The following BRAF variants were observed in gnomAD, a reference collection of about 807,000 sequenced individuals.
The protein encoded by BRAF is B-Raf proto-oncogene, serine/threonine kinase, also known as serine/threonine-protein kinase B-raf.
In BRAF, 16 loss-of-function variants were observed where a neutral mutation model predicts 104.6. The ratio of observed to expected loss-of-function variants is 0.15; its 90% CI spans 0.10 to 0.23. The LOEUF (loss-of-function observed/expected upper bound fraction) is 0.23, where lower values mean the gene tolerates loss of function less well. BRAF is among the 10% of genes least tolerant of loss of function. The pLI, the probability that BRAF is intolerant of heterozygous loss-of-function variation, is 1.00. For missense variants in BRAF, 541 were observed against 937.3 expected (o/e 0.58, Z 5.52); for synonymous variants, 310 against 341.6 (o/e 0.91, Z 1.02).
At chr7:140,740,946 C>T (rs1796867744) in intron 17 of BRAF, 1 of 152,078 alleles carries the variant, frequency 6.6e-6, no homozygotes, top group Admixed American at 6.5e-5. Flanking sequence ...GAAGCTACAC[C>T]ATCATAACAT....
chr7:140,714,854 T>C (rs572981749), downstream of BRAF, among the ~76,000 whole-genome samples: 1 of 152,220 alleles, frequency 6.6e-6, no homozygotes, highest in South Asian at 2.1e-4. Context: ...AATTGAACTT[T>C]TGACTGGTCA....
chr7:140,715,134 G>C (rs148921111), downstream of BRAF, among the ~76,000 whole-genome samples: 220 of 152,312 alleles, frequency 1.4e-3, 1 homozygote, highest in African/African-American at 5.1e-3. Context: ...GGTATGGTAT[G>C]ATAGGCTTTC....
intron 8 of BRAF, among the ~76,000 whole-genome samples, chr7:140,791,698 A>C (rs1036153073): frequency 1.3e-5 from 2 of 152,186 alleles, no homozygotes; most frequent in African/African-American, 4.8e-5. Flanking sequence ...ATATGCCCCC[A>C]AAAAGCTAAA....
At chr7:140,908,938 G>A (rs1374228989) in intron 1 of BRAF, among the ~76,000 whole-genome samples, 1 of 134,224 alleles carries the variant, frequency 7.5e-6, no homozygotes, top group Non-Finnish European at 1.7e-5. Context: ...CCTAGAATTT[G>A]GCCTGGCAGC....
At position 140,834,798 on chromosome 7, in the gene BRAF, G is replaced by A. The variant is rs768536776; in HGVS notation, c.315C>T (p.Asn105=). The A allele has an allele frequency of 3.7e-6, 6 of 1,614,142 alleles. No homozygotes were observed. The highest frequency in any genetic ancestry group is 2.2e-5 in the East Asian group (1 of 44,880). ...AGCTAGAAACAGAAAAATCAGTTCC[G>A]TTCCCCAGAGATTCCAATAACTGTT... ...REQQLLESLG[N]GTDFSVSSSA... The change falls in exon 3 of 20, where the codon AAC becomes AAT. Residue 105 remains asparagine (N), a synonymous_variant. Coordinates refer to ENST00000644969, the MANE Select transcript of BRAF (RefSeq NM_001374258.1).
At chr7:140,797,296 A>G (rs1282953264) in intron 7 of BRAF, among the ~76,000 whole-genome samples, 1 of 152,228 alleles carries the variant, frequency 6.6e-6, no homozygotes, top group Non-Finnish European at 1.5e-5. Flanking sequence ...ACCTCTCACA[A>G]ATTTATACAT....
intron 1 of BRAF, among the ~76,000 whole-genome samples, chr7:140,893,398 C>T (rs970543105): frequency 6.6e-6 from 1 of 152,020 alleles, no homozygotes; most frequent in African/African-American, 2.4e-5. Flanking sequence ...TACAGGCGCC[C>T]GCCACCATGC....
intron 5 of BRAF, among the ~76,000 whole-genome samples, chr7:140,807,228 T>A (rs1803748985): frequency 6.6e-6 from 1 of 152,142 alleles, no homozygotes; most frequent in Non-Finnish European, 1.5e-5. Flanking sequence ...ATCCAGCCAT[T>A]CTATTTCCAT....
chr7:140,823,526 T>C (rs1805695638), intron 3 of BRAF: 1 of 152,214 alleles, frequency 6.6e-6, no homozygotes, highest in African/African-American at 2.4e-5. Context: ...CCAATGTATA[T>C]ACATACCATA....
chr7:140,762,610 T>G (rs1247733849), intron 14 of BRAF, among the ~76,000 whole-genome samples: 1 of 116,184 alleles, frequency 8.6e-6, no homozygotes, highest in Non-Finnish European at 1.8e-5. Flanking sequence ...GCTGTTTTTT[T>G]TTTTTTTTTT....
rs138602602 is a variant in BRAF at position 140,771,375 on chromosome 7, T to C, written c.1814+5537A>G. 9.1e-3 allele frequency among the ~76,000 whole-genome samples: 1,381 copies of C among 151,512 alleles called. 23 individuals are homozygous for C. Among genetic ancestry groups the C allele is most frequent in the African/African-American group, 0.032 (1,299 of 40,798 alleles). ...CACATCCAGCTAATTTTTGTATTTTTTGTAGAGACGGGGTTTTGCCGTTGC... is the reference window on the plus strand; with the variant it reads ...CACATCCAGCTAATTTTTGTATTTTCTGTAGAGACGGGGTTTTGCCGTTGC... On this transcript the variant is annotated intron_variant, in intron 14 of 19. Transcript: ENST00000644969.
At chr7:140,771,675 A>G (rs1231405697) in intron 14 of BRAF, among the ~76,000 whole-genome samples, 1 of 152,220 alleles carries the variant, frequency 6.6e-6, no homozygotes, top group African/African-American at 2.4e-5. Flanking sequence ...AGGCTTTGCA[A>G]AAGTACATAT....
chr7:140,753,591 G>GCC, intron 15 of BRAF, 198 bp from the exon 15 acceptor site: 2 of 451,024 alleles, frequency 4.4e-6, no homozygotes, highest in Non-Finnish European at 4.0e-6. Flanking sequence ...TATATAACCT[G>GCC]CTTTTAAGAT....
intron 14 of BRAF, among the ~76,000 whole-genome samples, chr7:140,769,579 ATATTT>A (rs911793697): frequency 6.6e-6 from 1 of 152,220 alleles, no homozygotes; most frequent in Non-Finnish European, 1.5e-5. Context: ...CTTAACATTA[ATATTT>A]TAAAGCTTTA....
chr7:140,752,621 C>G (rs1797879351), intron 16 of BRAF, among the ~76,000 whole-genome samples: 4 of 151,198 alleles, frequency 2.6e-5, no homozygotes, highest in Admixed American at 6.6e-5. Flanking sequence ...AAGCAAAAAA[C>G]AAGAAGAAAG....
At chr7:140,828,550 T>G (rs2129058456) in intron 3 of BRAF, among the ~76,000 whole-genome samples, 1 of 152,162 alleles carries the variant, frequency 6.6e-6, no homozygotes, top group East Asian at 1.9e-4. Flanking sequence ...AATATCAGAG[T>G]TTCCAACAGC....
Position 140,790,559 on chromosome 7 carries a change from G to A in BRAF, c.1141-2975C>T, listed in dbSNP as rs184805350. ...TCTTATTATGTACCAGGCATAATAA[G>A]CAATTCAAACCACTATGGAAGGCAA... On this transcript the variant is annotated intron_variant, in intron 8 of 19. Transcript: ENST00000644969. Among the ~76,000 whole-genome samples the A allele has an allele frequency of 3.5e-4, 53 of 152,242 alleles. 1 individual carries two copies. Among genetic ancestry groups the A allele is most frequent in the African/African-American group, 1.3e-3 (52 of 41,538 alleles).
chr7:140,841,436 C>T (rs748596857), intron 2 of BRAF, among the ~76,000 whole-genome samples: 6 of 152,070 alleles, frequency 3.9e-5, no homozygotes, highest in East Asian at 1.9e-4. Context: ...AAAACTTGCA[C>T]GTGAATGTTC....
At chr7:140,922,166 A>G (rs1273074690) in intron 1 of BRAF, among the ~76,000 whole-genome samples, 1 of 152,218 alleles carries the variant, frequency 6.6e-6, no homozygotes, top group Non-Finnish European at 1.5e-5. Flanking sequence ...AAACCTGGGT[A>G]AAGAGGACAG....
Sources: allele counts gnomAD v4.1 joint callset (sites outside exome capture counted in the v4.1 genomes callset), GRCh38; gene constraint gnomAD v4.1.1; transcripts MANE v1.5; gene names NCBI Gene and HGNC (gene_info 2026-07-23, HGNC 2026-07-21).